The following DMBT1 variants were observed in gnomAD, a reference collection of about 807,000 sequenced individuals.
DMBT1 encodes the protein deleted in malignant brain tumors 1.
In DMBT1, 198 loss-of-function variants were observed where a neutral mutation model predicts 252.9. That is an observed-to-expected ratio of 0.78 (90% confidence interval 0.70 to 0.88). The LOEUF is 0.88. Among genes scored for constraint, DMBT1 ranks in the 40% least tolerant of loss-of-function variants. The pLI is 0.00. For missense variants in DMBT1, 2,432 were observed against 2,404.7 expected (o/e 1.01, Z -0.24); for synonymous variants, 990 against 942.7 (o/e 1.05, Z -0.92).
chr10:122,578,671 T>G, intron 8 of DMBT1, 47 bp from the exon 9 acceptor site: 1 of 1,548,678 alleles, frequency 6.5e-7, no homozygotes, highest in Non-Finnish European at 8.8e-7. Context: ...TTTTACCTTT[T>G]TCCCTTCAAG....
chr10:122,620,367 T>A (rs757097854), intron 43 of DMBT1, 76 bp downstream of exon 43: 1 of 1,549,226 alleles, frequency 6.5e-7, no homozygotes, highest in African/African-American at 1.4e-5. Context: ...AATGAAAGAA[T>A]GAGGCTCAAG....
rs765682197 is a variant in DMBT1 at position 122,621,392 on chromosome 10, A to G, written c.5608+12A>G. ...TGTCATCTGCTCAGGTGGGCCTTCA[A>G]GACCTGGGGCTCCCTCTCTTGGGGT... On this transcript the variant is annotated intron_variant, in intron 44 of 55. Transcript: ENST00000338354. 6.2e-7 allele frequency: 1 copy of G among 1,613,840 alleles called. No homozygotes were observed. The highest frequency in any genetic ancestry group is 1.3e-5 in the African/African-American group (1 of 75,046).
intron 40 of DMBT1, among the ~76,000 whole-genome samples, chr10:122,617,764 G>A (rs1277311965): frequency 1.3e-5 from 2 of 151,544 alleles, no homozygotes; most frequent in South Asian, 2.1e-4. Flanking sequence ...AGGGAGTGGG[G>A]CATTCATTCC....
Position 122,572,369 on chromosome 10 carries a change from C to T in DMBT1, c.235+8C>T. Reference sequence around the variant, plus strand: ...AGTCAACCGTAGCAGAAGGTAACGTCTACTATGGGGGAGCTCTATGGGCTC... The same window carrying T: ...AGTCAACCGTAGCAGAAGGTAACGTTTACTATGGGGGAGCTCTATGGGCTC... On this transcript the variant is annotated splice_region_variant and intron_variant, in intron 5 of 55. Coordinates refer to ENST00000338354, the MANE Select transcript of DMBT1 (RefSeq NM_001377530.1). 6.2e-7 allele frequency: 1 copy of T among 1,612,802 alleles called. No individual in the cohort carries two copies. The highest frequency in any genetic ancestry group is 8.5e-7 in the Non-Finnish European group (1 of 1,179,018).
intron 2 of DMBT1, among the ~76,000 whole-genome samples, chr10:122,566,325 C>CTTTTTTTT (rs71026026): frequency 1.3e-5 from 2 of 148,456 alleles, no homozygotes; most frequent in Non-Finnish European, 3.0e-5. Flanking sequence ...TTTCTTTTTT[C>CTTTTTTTT]TTTTTGAGAT....
At chr10:122,631,471 A>G (rs933519309) in intron 49 of DMBT1, among the ~76,000 whole-genome samples, 190 bp downstream of exon 49, 1 of 152,202 alleles carries the variant, frequency 6.6e-6, no homozygotes, top group African/African-American at 2.4e-5. Flanking sequence ...CAGGGCCATT[A>G]TGCTGAACAC....
intron 3 of DMBT1, 36 bp from the exon 4 acceptor site, chr10:122,570,854 T>G (rs1278677152): frequency 6.2e-7 from 1 of 1,607,544 alleles, no homozygotes; most frequent in Admixed American, 1.7e-5. Context: ...AAACAAGGGC[T>G]ACCATCAATG....
chr10:122,587,472 A>T (rs891218150), intron 16 of DMBT1, among the ~76,000 whole-genome samples: 1 of 148,696 alleles, frequency 6.7e-6, no homozygotes, highest in Non-Finnish European at 1.5e-5. Flanking sequence ...CATGAGGCTT[A>T]CTGAGCAAAG....
In DMBT1 at chr10:122,600,139, C is replaced by T. The variant is rs1169425289; in HGVS notation, c.3310+46C>T. On this transcript the variant is annotated intron_variant, in intron 27 of 55. Coordinates refer to ENST00000338354, the MANE Select transcript of DMBT1 (RefSeq NM_001377530.1). ...CTCAAAATGTCCCTTCTCTTTCTGC[C>T]CAATCACCCCTTCCACACTCCACAG... 1.9e-6 allele frequency: 3 copies of T among 1,592,772 alleles called. No homozygotes were observed. The South Asian group carries it at 3.4e-5, about 18-fold the overall frequency.
chr10:122,590,060 G>T (rs1018816702), intron 17 of DMBT1, among the ~76,000 whole-genome samples: 1 of 148,550 alleles, frequency 6.7e-6, no homozygotes, highest in East Asian at 2.1e-4. Flanking sequence ...CGATCTCACC[G>T]GGAGGAGTCC....
chr10:122,587,828 T>A (rs2097804027), intron 16 of DMBT1, among the ~76,000 whole-genome samples: 1 of 148,516 alleles, frequency 6.7e-6, no homozygotes, highest in Non-Finnish European at 1.5e-5. Flanking sequence ...GGCTCAGCAA[T>A]GGTGTCAGAT....
intron 6 of DMBT1, among the ~76,000 whole-genome samples, chr10:122,574,298 G>T (rs955607818): frequency 6.6e-6 from 1 of 152,186 alleles, no homozygotes; most frequent in South Asian, 2.1e-4. Context: ...AGAAATCTGG[G>T]AGACATAGTC....
intron 18 of DMBT1, 49 bp downstream of exon 18, chr10:122,590,743 AT>A (rs1565736014): frequency 6.4e-7 from 1 of 1,571,200 alleles, no homozygotes. Flanking sequence ...TTTCTGCACA[AT>A]TATCCTTTTT....
Position 122,632,980 on chromosome 10 carries a change from G to C in DMBT1, c.6397+90G>C, listed in dbSNP as rs2098178331. On this transcript the variant is annotated intron_variant, in intron 51 of 55. Coordinates refer to ENST00000338354, the MANE Select transcript of DMBT1 (RefSeq NM_001377530.1). ...TCAGTGACAATGGGGCTGGGGAGGA[G>C]ATGGCTTCCCCCAAAGTGGTCTCCC... 3.8e-6 allele frequency: 6 copies of C among 1,580,310 alleles called. No individual in the cohort carries two copies. In the South Asian group the frequency reaches 6.9e-5, roughly 18 times the overall value.
intron 8 of DMBT1, among the ~76,000 whole-genome samples, chr10:122,578,445 G>A (rs376834978): frequency 6.6e-5 from 10 of 152,256 alleles, no homozygotes; most frequent in South Asian, 2.1e-4. Context: ...CAGTCCACGC[G>A]TCAGTGGATG....
rs189713696 is a variant in DMBT1 at position 122,585,511 on chromosome 10, C to T, written c.1459+202C>T. Among the ~76,000 whole-genome samples the T allele has an allele frequency of 2.8e-3, 413 of 147,940 alleles. 4 individuals are homozygous for T. Among genetic ancestry groups the T allele is most frequent in the African/African-American group, 9.4e-3 (386 of 40,990 alleles). On this transcript the variant is annotated intron_variant, in intron 15 of 55. Coordinates refer to ENST00000338354, the MANE Select transcript of DMBT1 (RefSeq NM_001377530.1). The stretch of plus-strand genomic sequence containing the variant: ...TGGAGGGTGCTGGTGACTTTTCTCC[C>T]GTGGAATCCTGTTCCAAGTGGTCAG...
chr10:122,585,920 T>C (rs2097785552), intron 15 of DMBT1, 140 bp from the exon 16 acceptor site: 1 of 1,479,172 alleles, frequency 6.8e-7, no homozygotes, highest in African/African-American at 1.4e-5. Context: ...TGAAGCTGAA[T>C]CTCTGGTTTT....
At position 122,587,611 on chromosome 10, in the gene DMBT1, G is replaced by T. The variant is rs538179614; in HGVS notation, c.1783+1228G>T. Among the ~76,000 whole-genome samples, 25 of 148,318 alleles carry T rather than the reference G, an allele frequency of 1.7e-4. 4 individuals are homozygous for T. In the South Asian group the frequency reaches 5.5e-3, roughly 33 times the overall value. On this transcript the variant is annotated intron_variant, in intron 16 of 55. Coordinates refer to ENST00000338354, the MANE Select transcript of DMBT1 (RefSeq NM_001377530.1). The stretch of plus-strand genomic sequence containing the variant: ...ATGTGCAAGGGAGTGGGTTGGTTTT[G>T]TGTCAACCTGATTACTATGGGCAGA...
intron 46 of DMBT1, among the ~76,000 whole-genome samples, chr10:122,628,130 C>A (rs2098131679): frequency 6.6e-6 from 1 of 152,160 alleles, no homozygotes. Flanking sequence ...AAAGGTTAGA[C>A]CTGGAGTCAC....
Sources: gnomAD v4.1 joint callset for allele counts (sites outside exome capture counted in the v4.1 genomes callset) on GRCh38, gnomAD v4.1.1 for gene constraint, MANE v1.5 for transcripts, NCBI Gene and HGNC (gene_info 2026-07-23, HGNC 2026-07-21) for gene names.